Variants in MYOF observed in about 807,000 individuals in gnomAD.
The protein encoded by MYOF is myoferlin.
MYOF carries 244 observed loss-of-function variants against 284.2 expected under a neutral mutation model. The observed-to-expected ratio is 0.86, with a 90% CI of 0.77 to 0.95. MYOF has a LOEUF of 0.95. MYOF is among the 40% of genes least tolerant of loss of function. The pLI, the probability that MYOF is intolerant of heterozygous loss-of-function variation, is 0.00. For missense variants in MYOF, 2,496 were observed against 2,560.6 expected (o/e 0.97, Z 0.54); for synonymous variants, 904 against 919.7 (o/e 0.98, Z 0.31).
intron 48 of MYOF, among the ~76,000 whole-genome samples, chr10:93,322,204 G>C (rs1842870289): frequency 6.6e-6 from 1 of 152,110 alleles, no homozygotes. Flanking sequence ...GGGATTATAG[G>C]TGAAACTTTG....
intron 24 of MYOF, among the ~76,000 whole-genome samples, chr10:93,371,689 A>G (rs1479185502): frequency 6.6e-6 from 1 of 152,142 alleles, no homozygotes; most frequent in Admixed American, 6.6e-5. Context: ...GTAAATATTC[A>G]TAGGTATAAC....
intron 9 of MYOF, 39 bp downstream of exon 9, chr10:93,403,984 C>T (rs1306851543): frequency 1.2e-6 from 2 of 1,602,890 alleles, no homozygotes; most frequent in Non-Finnish European, 8.5e-7. Flanking sequence ...AAGTTCTCAT[C>T]TTTCTGTAAG....
At chr10:93,322,217 CTCA>C (rs1842871206) in intron 48 of MYOF, among the ~76,000 whole-genome samples, 1 of 152,152 alleles carries the variant, frequency 6.6e-6, no homozygotes, top group Non-Finnish European at 1.5e-5. Flanking sequence ...AAACTTTGTT[CTCA>C]CTTTATGAAT....
chr10:93,357,969 A>G (rs1844891940), intron 29 of MYOF, among the ~76,000 whole-genome samples: 1 of 152,212 alleles, frequency 6.6e-6, no homozygotes, highest in Non-Finnish European at 1.5e-5. Context: ...TCATTAAACT[A>G]AAGAGCTTCT....
intron 40 of MYOF, among the ~76,000 whole-genome samples, chr10:93,337,133 G>GGTTTTTTT (rs758689987): frequency 7.4e-6 from 1 of 135,242 alleles, no homozygotes; most frequent in African/African-American, 2.7e-5. Flanking sequence ...AAAGGTGTGG[G>GGTTTTTTT]TTTTTTTTTT....
intron 11 of MYOF, among the ~76,000 whole-genome samples, chr10:93,401,792 C>CGTGT (rs57326000): frequency 0.011 from 1,074 of 94,472 alleles, 6 homozygotes; most frequent in Non-Finnish European, 0.014. Flanking sequence ...AGAGCCTGTG[C>CGTGT]GTGTGTGTGT....
intron 36 of MYOF, among the ~76,000 whole-genome samples, chr10:93,348,050 T>C (rs967848308): frequency 6.6e-6 from 1 of 152,142 alleles, no homozygotes; most frequent in Non-Finnish European, 1.5e-5. Context: ...AATAGTAACA[T>C]TGTTGAATTA....
At chr10:93,386,592 AAGG>A (rs1194035754) in intron 19 of MYOF, among the ~76,000 whole-genome samples, 3 of 152,148 alleles carry the variant, frequency 2.0e-5, no homozygotes, top group Non-Finnish European at 4.4e-5. Context: ...TTTCCTCTCA[AAGG>A]AGGAGACAGG....
At chr10:93,467,590 G>A (rs2134372057) in intron 1 of MYOF, among the ~76,000 whole-genome samples, 1 of 152,142 alleles carries the variant, frequency 6.6e-6, no homozygotes, top group South Asian at 2.1e-4. Context: ...TCTAGAACTA[G>A]AAATACCATT....
In MYOF at chr10:93,397,441, T is replaced by G; in HGVS notation, c.1237A>C (p.Ile413Leu). The G allele has an allele frequency of 1.2e-6, 2 of 1,610,776 alleles. No individual in the cohort carries two copies. The highest frequency in any genetic ancestry group is 1.7e-6 in the Non-Finnish European group (2 of 1,179,200). ...FAGKKVCTNI[I>L]EKNANPEWNQ... ...CACTCTGGGTTTGCATTTTTCTCAA[T>G]TATGTTTGTACAAACCTGTAAAATC... Residue 413 changes from isoleucine to leucine, a missense_variant, in exon 14 of 54, where the codon ATT becomes CTT. By Grantham distance (5) the Ile-to-Leu change is conservative. Transcript: ENST00000359263.
chr10:93,360,933 C>T (rs1301988144), intron 28 of MYOF, among the ~76,000 whole-genome samples: 1 of 152,178 alleles, frequency 6.6e-6, no homozygotes, highest in African/African-American at 2.4e-5. Context: ...GTTTTTCACT[C>T]TTAACACCCC....
At chr10:93,313,300 G>A (rs989477138) in intron 50 of MYOF, 90 bp from the exon 51 acceptor site, 44 of 1,231,434 alleles carry the variant, frequency 3.6e-5, no homozygotes, top group Non-Finnish European at 4.5e-5. Flanking sequence ...TCAGGAGAGA[G>A]GCACACAGTG....
At chr10:93,322,454 T>C (rs1285135153) in intron 48 of MYOF, among the ~76,000 whole-genome samples, 1 of 152,180 alleles carries the variant, frequency 6.6e-6, no homozygotes, top group African/African-American at 2.4e-5. Flanking sequence ...CAGAATGTAG[T>C]CGCTATGCTG....
At chr10:93,358,689 T>C (rs910603994) in intron 29 of MYOF, among the ~76,000 whole-genome samples, 7 of 152,082 alleles carry the variant, frequency 4.6e-5, no homozygotes, top group African/African-American at 1.7e-4. Context: ...CTCAGCAACC[T>C]AACAGAGGAA....
rs2133800131 is a variant in MYOF at position 93,329,844 on chromosome 10, C to A, written c.4812-10G>T. The A allele has an allele frequency of 6.2e-7, 1 of 1,613,678 alleles. No homozygotes were observed. The highest frequency in any genetic ancestry group is 1.1e-5 in the South Asian group (1 of 91,058). On this transcript the variant is annotated splice_polypyrimidine_tract_variant and intron_variant, in intron 43 of 53. Coordinates refer to ENST00000359263, the MANE Select transcript of MYOF (RefSeq NM_013451.4). ...GCTCAGTTCGTACATCCTAAATAAA[C>A]AAATGCAAGGTCAGAATCTTCATGA...
chr10:93,444,711 A>G (rs999792150), intron 3 of MYOF, among the ~76,000 whole-genome samples: 3 of 152,262 alleles, frequency 2.0e-5, no homozygotes, highest in African/African-American at 7.2e-5. Flanking sequence ...CAAAAACTCT[A>G]CGCAGTACCT....
intron 1 of MYOF, among the ~76,000 whole-genome samples, chr10:93,467,747 G>A (rs923362200): frequency 6.6e-6 from 1 of 152,186 alleles, no homozygotes; most frequent in Non-Finnish European, 1.5e-5. Flanking sequence ...ACGATAGACT[G>A]GATTAAGAAA....
chr10:93,342,611 T>C (rs926902378), intron 38 of MYOF, among the ~76,000 whole-genome samples: 4 of 152,232 alleles, frequency 2.6e-5, no homozygotes, highest in Admixed American at 1.3e-4. Context: ...TAACTATGGT[T>C]AAGAAGTGAA....
At chr10:93,345,500 C>T (rs958878089) in intron 37 of MYOF, among the ~76,000 whole-genome samples, 2 of 152,128 alleles carry the variant, frequency 1.3e-5, no homozygotes, top group Non-Finnish European at 2.9e-5. Flanking sequence ...ATATCAGTTA[C>T]TGTGTGAGGT....
Sources: allele counts gnomAD v4.1 joint callset (sites outside exome capture counted in the v4.1 genomes callset), GRCh38; gene constraint gnomAD v4.1.1; transcripts MANE v1.5; gene names NCBI Gene and HGNC (gene_info 2026-07-23, HGNC 2026-07-21).